ALAD: variants seen among roughly 807,000 people sequenced by gnomAD.
ALAD encodes aminolevulinate dehydratase, also known as delta-aminolevulinic acid dehydratase.
In ALAD, 20 loss-of-function variants were observed where a neutral mutation model predicts 44.4. That is an observed-to-expected ratio of 0.45 (90% CI 0.32 to 0.65). The LOEUF (loss-of-function observed/expected upper bound fraction) is 0.65. ALAD is among the 30% of genes least tolerant of loss of function. The probability of loss-of-function intolerance (pLI) is 0.05; values close to 1 mark genes in which losing one functional copy is unlikely to be tolerated. For missense variants in ALAD, 323 were observed against 445.7 expected (o/e 0.72, Z 2.48); for synonymous variants, 156 against 167.9 (o/e 0.93, Z 0.55).
chr9:113,390,347 G>T, intron 7 of ALAD, 58 bp downstream of exon 7: 1 of 1,551,302 alleles, frequency 6.4e-7, no homozygotes, highest in African/African-American at 1.4e-5. Context: ...GCAGACACGG[G>T]GGCAGGGCTG....
At chr9:113,392,018 C>T (rs1182874805) in intron 3 of ALAD, 101 bp downstream of exon 3, 18 of 1,183,052 alleles carry the variant, frequency 1.5e-5, no homozygotes, top group Non-Finnish European at 2.0e-5. Flanking sequence ...TCTGTCTGTC[C>T]GCATCTTCTA....
intron 10 of ALAD, 30 bp downstream of exon 10, chr9:113,389,408 G>A (rs368251141): frequency 2.4e-5 from 38 of 1,610,578 alleles, no homozygotes; most frequent in Non-Finnish European, 2.9e-5. Flanking sequence ...CCAGCCCCCT[G>A]AGCCCCCTTT....
At position 113,395,931 on chromosome 9, in the gene ALAD, C is replaced by T. The variant is rs1347407232; in HGVS notation, c.-75-2297G>A. Among the ~76,000 whole-genome samples, 6 of 152,102 alleles carry T rather than the reference C, an allele frequency of 3.9e-5. No individual in the cohort carries two copies. In the East Asian group the frequency reaches 5.8e-4, roughly 15 times the overall value. On this transcript the variant is annotated intron_variant, in intron 1 of 11. Coordinates refer to ENST00000409155, the MANE Select transcript of ALAD (RefSeq NM_000031.6). ...AAATTAGGCCAGGCACGGTGGCTCA[C>T]GCCTGTAATCCCAGCACTTTGGGAG...
At chr9:113,397,151 G>A (rs1827751861) in intron 1 of ALAD, 1 of 152,192 alleles carries the variant, frequency 6.6e-6, no homozygotes, top group Non-Finnish European at 1.5e-5. Flanking sequence ...GTCGAAGCCA[G>A]GTCTAATCCC....
intron 2 of ALAD, among the ~76,000 whole-genome samples, chr9:113,392,785 C>A (rs538838945): frequency 6.7e-6 from 1 of 149,490 alleles, no homozygotes; most frequent in African/African-American, 2.5e-5. Flanking sequence ...TAAATGTCTG[C>A]ATTATTATTA....
At chr9:113,393,664 C>A (rs1827657836) in intron 1 of ALAD, 30 bp from the exon 2 acceptor site, 5 of 902,438 alleles carry the variant, frequency 5.5e-6, no homozygotes, top group Non-Finnish European at 9.2e-6. Context: ...GCACATGAGA[C>A]ATGGTCCCTG....
chr9:113,389,762 C>T lies in ALAD; in HGVS notation c.626+11G>A, dbSNP rs753946930. On this transcript the variant is annotated intron_variant, in intron 8 of 11. Coordinates refer to ENST00000409155, the MANE Select transcript of ALAD (RefSeq NM_000031.6). ...GGGATTCACAGCAGACCCCTGCCCA[C>T]CCCTGCTCACCGGAAAGGGCCATAG... 1.2e-6 allele frequency: 2 copies of T among 1,614,236 alleles called. No homozygotes were observed. Among genetic ancestry groups the T allele is most frequent in the South Asian group, 2.2e-5 (2 of 91,090 alleles).
rs994105762 is a variant in ALAD at position 113,386,395 on chromosome 9, T to C, written c.*1905A>G. The C allele has an allele frequency of 6.6e-6, 1 of 152,232 alleles. No homozygotes were observed. The highest frequency in any genetic ancestry group is 2.4e-5 in the African/African-American group (1 of 41,448). 9.4% of individuals were successfully genotyped at this position (152,232 alleles called of 1,614,324 possible). A position where few individuals can be genotyped will look rare whatever the true frequency, so the allele number is the denominator to read the frequency against. ...TTTTGTGTTGGATAGTTTTGCCCACTGTAGGCTAATGTAAGTGTTCTGAGC... is the reference window on the plus strand; with the variant it reads ...TTTTGTGTTGGATAGTTTTGCCCACCGTAGGCTAATGTAAGTGTTCTGAGC... On this transcript the variant is annotated 3_prime_UTR_variant, in exon 12 of 12. Transcript: ENST00000409155.
chr9:113,393,657 C>A, intron 1 of ALAD, 23 bp from the exon 2 acceptor site: 1 of 947,198 alleles, frequency 1.1e-6, no homozygotes. Context: ...ATGGGTGGCA[C>A]ATGAGACATG....
At position 113,393,536 on chromosome 9, in the gene ALAD, G is replaced by A. The variant is rs763163695; in HGVS notation, c.24C>T (p.His8=). 4 of 1,613,676 alleles carry A rather than the reference G, an allele frequency of 2.5e-6. No homozygotes were observed. Among genetic ancestry groups the A allele is most frequent in the African/African-American group, 2.7e-5 (2 of 74,934 alleles). Residue 8 remains histidine (H), a synonymous_variant, in exon 2 of 12, where the codon CAC becomes CAT. Coordinates refer to ENST00000409155, the MANE Select transcript of ALAD (RefSeq NM_000031.6). ...GAAGTAGTGGGTGGAAGTAGCCGCT[G>A]TGCAGAACGGACTGGGGCTGCATGG... MQPQSVL[H]SGYFHPLLRA...
chr9:113,397,394 A>C (rs907150415), intron 1 of ALAD: 1 of 151,906 alleles, frequency 6.6e-6, no homozygotes, highest in African/African-American at 2.4e-5. Flanking sequence ...CATTTTATCC[A>C]GTCTTCCTCC....
chr9:113,395,921 C>T (rs181030904), intron 1 of ALAD, among the ~76,000 whole-genome samples: 6 of 151,446 alleles, frequency 4.0e-5, no homozygotes, highest in African/African-American at 9.7e-5. Context: ...AGGCCAGGCA[C>T]GGTGGCTCAC....
chr9:113,400,419 T>C (rs183788526), intron 1 of ALAD, among the ~76,000 whole-genome samples: 205 of 152,358 alleles, frequency 1.3e-3, no homozygotes, highest in African/African-American at 4.7e-3. Flanking sequence ...CTCTGGAGTC[T>C]GATAGATGTG....
At chr9:113,389,379 G>A (rs1208400279) in intron 10 of ALAD, 59 bp downstream of exon 10, 1 of 1,587,154 alleles carries the variant, frequency 6.3e-7, no homozygotes, top group Non-Finnish European at 8.6e-7. Flanking sequence ...AGATTCCAGA[G>A]TCTGTGGAAA....
rs1473021526 is a variant in ALAD, at chr9:113,389,080, G to A, written c.828C>T (p.Tyr276=). Residue 276 remains tyrosine, a synonymous_variant, in exon 11 of 12, where the codon TAC becomes TAT. Coordinates refer to ENST00000409155, the MANE Select transcript of ALAD (RefSeq NM_000031.6). ...GCATGGCAAACTCTCCAGAGACGTG[G>A]TACACGGCGAGAGGGAGGTCAGGGT... is the stretch of plus-strand genomic sequence containing the variant. ...DKHPDLPLAV[Y]HVSGEFAMLW... is the part of the protein sequence containing the mutation. 2.5e-6 allele frequency: 4 copies of A among 1,613,906 alleles called. No individual in the cohort carries two copies. Among genetic ancestry groups the A allele is most frequent in the Non-Finnish European group, 3.4e-6 (4 of 1,180,056 alleles).
Position 113,387,834 on chromosome 9 carries a change from A to G in ALAD, c.*466T>C, listed in dbSNP as rs1359579102. 4.8e-6 allele frequency: 1 copy of G among 208,346 alleles called. No individual in the cohort carries two copies. The highest frequency in any genetic ancestry group is 2.3e-5 in the African/African-American group (1 of 43,576). 12.9% of individuals were successfully genotyped at this position (208,346 alleles called of 1,614,324 possible). A position where few individuals can be genotyped will look rare whatever the true frequency, so the allele number is the denominator to read the frequency against. On this transcript the variant is annotated 3_prime_UTR_variant, in exon 12 of 12. Coordinates refer to ENST00000409155, the MANE Select transcript of ALAD (RefSeq NM_000031.6). ...ATGCCTTCCAGTGGAATTGCGGCAA[A>G]TTTCAACTCTAACCCAGGGATATCG...
intron 1 of ALAD, chr9:113,396,246 G>A (rs1001519783): frequency 1.2e-4 from 19 of 152,060 alleles, no homozygotes; most frequent in African/African-American, 4.6e-4. Flanking sequence ...AAATTAGCTG[G>A]GTGTGGTGGT....
chr9:113,391,681 G>A (rs935908863), intron 3 of ALAD, 58 bp from the exon 4 acceptor site: 71 of 1,385,374 alleles, frequency 5.1e-5, no homozygotes, highest in Non-Finnish European at 6.4e-5. Context: ...ACGGTCCTCC[G>A]GACCCCACCA....
At chr9:113,399,028 C>T (rs757905845) in intron 1 of ALAD, among the ~76,000 whole-genome samples, 11 of 152,264 alleles carry the variant, frequency 7.2e-5, no homozygotes, top group South Asian at 4.1e-4. Context: ...AGGAGCGAGC[C>T]GCCAGGAGGT....
Sources: allele counts gnomAD v4.1 joint callset (sites outside exome capture counted in the v4.1 genomes callset), GRCh38; gene constraint gnomAD v4.1.1; transcripts MANE v1.5; gene names NCBI Gene and HGNC (gene_info 2026-07-23, HGNC 2026-07-21).